OR5D18: variants seen among roughly 807,000 people sequenced by gnomAD.
OR5D18 encodes the protein olfactory receptor family 5 subfamily D member 18, also known as olfactory receptor 5D18.
For synonymous variants in OR5D18, 158 were observed against 152.5 expected, an observed-to-expected ratio of 1.04 and a Z score of -0.27; for missense variants, 394 against 367.3, an observed-to-expected ratio of 1.07 and a Z score of -0.59.
chr11:55,820,317 C>G lies in OR5D18; in HGVS notation c.688C>G (p.Arg230Gly), dbSNP rs143615376. 8 of 1,613,884 alleles carry G rather than the reference C, an allele frequency of 5.0e-6. No homozygotes were observed. In the South Asian group the frequency reaches 6.6e-5, roughly 13 times the overall value. The change falls in exon 1 of 1, where the codon CGT becomes GGT. Residue 230 changes from arginine to glycine, a missense_variant. Physicochemically the swap from Arg to Gly is moderately radical, Grantham distance 125. Coordinates refer to ENST00000333976, the MANE Select transcript of OR5D18 (RefSeq NM_001001952.1). ...AFIVVTILKM[R>G]SVSGRRKAFS... The stretch of plus-strand genomic sequence containing the variant: ...CATTGTTGTAACCATCCTCAAGATG[C>G]GTTCAGTCAGTGGGCGCCGCAAAGC...
Position 55,819,661 on chromosome 11 carries a change from C to T in OR5D18, c.32C>T (p.Thr11Ile), listed in dbSNP as rs748531595. The change falls in exon 1 of 1, where the codon ACC becomes ATC. Residue 11 changes from threonine to isoleucine, a missense_variant. Coordinates refer to ENST00000333976, the MANE Select transcript of OR5D18 (RefSeq NM_001001952.1). MLLTDRNTSG[T>I]TFTLLGFSDY... ...CTGACTGATAGAAATACAAGTGGGA[C>T]CACGTTCACCCTCTTGGGCTTCTCA... The T allele has an allele frequency of 3.7e-6, 6 of 1,604,866 alleles. No individual in the cohort carries two copies. Among genetic ancestry groups the T allele is most frequent in the South Asian group, 2.2e-5 (2 of 90,240 alleles).
Position 55,819,809 on chromosome 11 carries a change from G to A in OR5D18, c.180G>A (p.Met60Ile). ...IKINPKLHTP[M>I]YFFLSQLSFV... ...TCAACCCCAAACTGCATACCCCCAT[G>A]TACTTTTTCCTCAGCCAACTCTCCT... Residue 60 changes from methionine (M) to isoleucine (I), a missense_variant, in exon 1 of 1, where the codon ATG becomes ATA. Coordinates refer to ENST00000333976, the MANE Select transcript of OR5D18 (RefSeq NM_001001952.1). 1 of 1,613,878 alleles carries A rather than the reference G, an allele frequency of 6.2e-7. No individual in the cohort carries two copies. The highest frequency in any genetic ancestry group is 8.5e-7 in the Non-Finnish European group (1 of 1,179,952).
chr11:55,819,638 G>A lies in OR5D18; in HGVS notation c.9G>A (p.Leu3=). Residue 3 remains leucine, a synonymous_variant, in exon 1 of 1, where the codon CTG becomes CTA. Transcript: ENST00000333976. ...TCGAAGAAACAGAAGCGATGCTGCT[G>A]ACTGATAGAAATACAAGTGGGACCA... ML[L]TDRNTSGTTF... 1 of 1,578,692 alleles carries A rather than the reference G, an allele frequency of 6.3e-7. No homozygotes were observed. The highest frequency in any genetic ancestry group is 8.6e-7 in the Non-Finnish European group (1 of 1,160,290).
chr11:55,819,678 G>A lies in OR5D18; in HGVS notation c.49G>A (p.Gly17Ser). 1 of 1,613,178 alleles carries A rather than the reference G, an allele frequency of 6.2e-7. No homozygotes were observed. The highest frequency in any genetic ancestry group is 8.5e-7 in the Non-Finnish European group (1 of 1,179,618). The change falls in exon 1 of 1, where the codon GGC becomes AGC. Residue 17 changes from glycine to serine, a missense_variant. Gly to Ser is a moderately conservative substitution (Grantham distance 56, BLOSUM62 0). Transcript: ENST00000333976. ...AAGTGGGACCACGTTCACCCTCTTG[G>A]GCTTCTCAGATTACCCAGAACTGCA... ...NTSGTTFTLL[G>S]FSDYPELQVP...
Position 55,820,151 on chromosome 11 carries a change from A to G in OR5D18, c.522A>G (p.Thr174=). The G allele has an allele frequency of 6.2e-7, 1 of 1,613,906 alleles. No individual in the cohort carries two copies. Among genetic ancestry groups the G allele is most frequent in the Non-Finnish European group, 8.5e-7 (1 of 1,179,996 alleles). Residue 174 remains threonine (T), a synonymous_variant, in exon 1 of 1, where the codon ACA becomes ACG. Transcript: ENST00000333976. ...AGTTATGTTTTCATGGTTTCAACAC[A>G]ATCAATCACTTCTTCTGTGAGTTCT... is the stretch of plus-strand genomic sequence containing the variant. ...ALKLCFHGFN[T]INHFFCEFSS...
In OR5D18 at chr11:55,820,440, ACAGT is replaced by A. The variant is rs777647277; in HGVS notation, c.814_817del (p.Val272LysfsTer10). The A allele has an allele frequency of 2.4e-5, 38 of 1,613,892 alleles. No individual in the cohort carries two copies. The highest frequency in any genetic ancestry group is 2.1e-4 in the South Asian group (19 of 91,062). On this transcript the variant is annotated frameshift_variant, in exon 1 of 1. Transcript: ENST00000333976. LOFTEE classifies it low-confidence loss of function (END_TRUNC). ...GCCCAACTCCAAAAACTCCAGGCAC[ACAGT>A]CAAAGTGGCCTCTGTGTTTTACACC...
chr11:55,820,186 T>A lies in OR5D18; in HGVS notation c.557T>A (p.Leu186His). ...NHFFCEFSSLLSLSCSDTYIN... is the reference protein window; with the variant it reads ...NHFFCEFSSLHSLSCSDTYIN... Reference sequence around the variant, plus strand: ...TTCTTCTGTGAGTTCTCCTCACTACTCTCCCTTTCTTGCTCTGATACTTAC... The same window carrying A: ...TTCTTCTGTGAGTTCTCCTCACTACACTCCCTTTCTTGCTCTGATACTTAC... The change falls in exon 1 of 1, where the codon CTC becomes CAC. Residue 186 changes from leucine to histidine, a missense_variant. Coordinates refer to ENST00000333976, the MANE Select transcript of OR5D18 (RefSeq NM_001001952.1). The A allele has an allele frequency of 6.2e-7, 1 of 1,614,020 alleles. No homozygotes were observed.
Position 55,820,016 on chromosome 11 carries a change from C to T in OR5D18, c.387C>T (p.Asn129=). Residue 129 remains asparagine (N), a synonymous_variant, in exon 1 of 1, where the codon AAC becomes AAT. Transcript: ENST00000333976. ...MAYDRFVAIC[N]PLLYTVNMSQ... is the part of the protein sequence containing the mutation. ...ATGACCGCTTCGTGGCCATTTGCAA[C>T]CCTCTGCTCTACACAGTTAACATGT... The T allele has an allele frequency of 2.5e-6, 4 of 1,613,904 alleles. No individual in the cohort carries two copies. Among genetic ancestry groups the T allele is most frequent in the Non-Finnish European group, 3.4e-6 (4 of 1,180,014 alleles).
At position 55,820,294 on chromosome 11, in the gene OR5D18, T is replaced by A; in HGVS notation, c.665T>A (p.Ile222Asn). 6.2e-7 allele frequency: 1 copy of A among 1,614,008 alleles called. No homozygotes were observed. The highest frequency in any genetic ancestry group is 8.5e-7 in the Non-Finnish European group (1 of 1,180,026). The part of the protein sequence containing the change: ...LLIVLTSYAF[I>N]VVTILKMRSV... ...ATCGTTCTCACATCTTATGCGTTCATTGTTGTAACCATCCTCAAGATGCGT... is the reference window on the plus strand; with the variant it reads ...ATCGTTCTCACATCTTATGCGTTCAATGTTGTAACCATCCTCAAGATGCGT... Residue 222 changes from isoleucine (I) to asparagine (N), a missense_variant, in exon 1 of 1, where the codon ATT (isoleucine) becomes AAT (asparagine). Transcript: ENST00000333976.
Position 55,820,542 on chromosome 11 carries a change from A to C in OR5D18, c.913A>C (p.Ile305Leu). The change falls in exon 1 of 1, where the codon ATA becomes CTA. Residue 305 changes from isoleucine (I) to leucine (L), a missense_variant. Ile to Leu is a conservative substitution (Grantham distance 5). Transcript: ENST00000333976. ...NKDVKDTVTEILDTKVFSY is the reference protein window; with the variant it reads ...NKDVKDTVTELLDTKVFSY ...AGATGTCAAGGATACAGTCACCGAG[A>C]TACTGGACACCAAAGTCTTCTCTTA... The C allele has an allele frequency of 1.2e-6, 2 of 1,610,046 alleles. No individual in the cohort carries two copies. The highest frequency in any genetic ancestry group is 1.7e-6 in the Non-Finnish European group (2 of 1,179,504).
chr11:55,819,654 A>G lies in OR5D18; in HGVS notation c.25A>G (p.Ser9Gly). MLLTDRNT[S>G]GTTFTLLGFS... is the part of the protein sequence containing the mutation. ...GATGCTGCTGACTGATAGAAATACA[A>G]GTGGGACCACGTTCACCCTCTTGGG... The change falls in exon 1 of 1, where the codon AGT becomes GGT. Residue 9 changes from serine (S) to glycine (G), a missense_variant. Ser to Gly is a moderately conservative substitution (Grantham distance 56, BLOSUM62 0). Coordinates refer to ENST00000333976, the MANE Select transcript of OR5D18 (RefSeq NM_001001952.1). 3 of 1,600,042 alleles carry G rather than the reference A, an allele frequency of 1.9e-6. No homozygotes were observed. Among genetic ancestry groups the G allele is most frequent in the Non-Finnish European group, 2.6e-6 (3 of 1,172,414 alleles).
chr11:55,820,164 T>C lies in OR5D18; in HGVS notation c.535T>C (p.Phe179Leu). 6.2e-7 allele frequency: 1 copy of C among 1,614,008 alleles called. No individual in the cohort carries two copies. The highest frequency in any genetic ancestry group is 8.5e-7 in the Non-Finnish European group (1 of 1,180,004). ...TGGTTTCAACACAATCAATCACTTC[T>C]TCTGTGAGTTCTCCTCACTACTCTC... ...FHGFNTINHF[F>L]CEFSSLLSLS... The change falls in exon 1 of 1, where the codon TTC becomes CTC. Residue 179 changes from phenylalanine (F) to leucine (L), a missense_variant. Phe to Leu is a conservative substitution (Grantham distance 22, BLOSUM62 0). Coordinates refer to ENST00000333976, the MANE Select transcript of OR5D18 (RefSeq NM_001001952.1).
chr11:55,820,239 G>T lies in OR5D18; in HGVS notation c.610G>T (p.Ala204Ser), dbSNP rs1590599082. ...YINQWLLFFLATFNEISTLLI... is the reference protein window; with the variant it reads ...YINQWLLFFLSTFNEISTLLI... ...CAACCAGTGGCTGCTATTCTTTCTT[G>T]CCACCTTTAATGAAATCAGCACACT... The change falls in exon 1 of 1, where the codon GCC (alanine) becomes TCC (serine). Residue 204 changes from alanine to serine, a missense_variant. Ala to Ser is a moderately conservative substitution (Grantham distance 99). Coordinates refer to ENST00000333976, the MANE Select transcript of OR5D18 (RefSeq NM_001001952.1). 6.2e-7 allele frequency: 1 copy of T among 1,613,728 alleles called. No individual in the cohort carries two copies. The highest frequency in any genetic ancestry group is 1.3e-5 in the African/African-American group (1 of 74,832).
rs766348974 is a variant in OR5D18, at chr11:55,819,936, T to A, written c.307T>A (p.Phe103Ile). The change falls in exon 1 of 1, where the codon TTT becomes ATT. Residue 103 changes from phenylalanine to isoleucine, a missense_variant. Physicochemically the swap from Phe to Ile is conservative, Grantham distance 21. Transcript: ENST00000333976. Reference protein sequence around the residue: ...ISFLGCVVQFFFFCTFVVTES... With the variant: ...ISFLGCVVQFIFFCTFVVTES... ...ATTTTTAGGATGCGTAGTACAATTC[T>A]TTTTCTTCTGTACCTTTGTGGTCAC... 2.5e-6 allele frequency: 4 copies of A among 1,613,920 alleles called. No individual in the cohort carries two copies. Among genetic ancestry groups the A allele is most frequent in the East Asian group, 2.2e-5 (1 of 44,898 alleles).
chr11:55,819,859 T>C lies in OR5D18; in HGVS notation c.230T>C (p.Ile77Thr), dbSNP rs1453653700. 1.9e-6 allele frequency: 3 copies of C among 1,613,830 alleles called. No homozygotes were observed. Among genetic ancestry groups the C allele is most frequent in the Non-Finnish European group, 2.5e-6 (3 of 1,179,892 alleles). The change falls in exon 1 of 1, where the codon ATC becomes ACC. Residue 77 changes from isoleucine (I) to threonine (T), a missense_variant. By Grantham distance (89) the Ile-to-Thr change is moderately conservative (BLOSUM62 -1). Coordinates refer to ENST00000333976, the MANE Select transcript of OR5D18 (RefSeq NM_001001952.1). ...TTTGTGGATTTCTGCTATTCCTCCA[T>C]CATTGCTCCCAAGATGTTGGTGAAC... ...LSFVDFCYSS[I>T]IAPKMLVNLV...
chr11:55,819,759 A>G lies in OR5D18; in HGVS notation c.130A>G (p.Ile44Val), dbSNP rs1853805590. ...CTACAATGTCACTGTGCTAGGGAAT[A>G]TTGGGTTGATTGTGATCATCAAAAT... Reference protein sequence around the residue: ...AIYNVTVLGNIGLIVIIKINP... With the variant: ...AIYNVTVLGNVGLIVIIKINP... The change falls in exon 1 of 1, where the codon ATT (isoleucine) becomes GTT (valine). Residue 44 changes from isoleucine to valine, a missense_variant. Physicochemically the swap from Ile to Val is conservative, Grantham distance 29 (BLOSUM62 3). Transcript: ENST00000333976. The G allele has an allele frequency of 1.2e-6, 2 of 1,613,792 alleles. No homozygotes were observed. Among genetic ancestry groups the G allele is most frequent in the African/African-American group, 1.3e-5 (1 of 74,838 alleles).
chr11:55,820,105 A>C lies in OR5D18; in HGVS notation c.476A>C (p.Glu159Ala). 6.2e-7 allele frequency: 1 copy of C among 1,613,742 alleles called. No homozygotes were observed. ...GCCTGGGGAGTCTCATGTTCCTTGG[A>C]ACTGACGTGCTCTGCTTTAAAGTTA... is the stretch of plus-strand genomic sequence containing the variant. ...SYAWGVSCSL[E>A]LTCSALKLCF... Residue 159 changes from glutamate (E) to alanine (A), a missense_variant, in exon 1 of 1, where the codon GAA (glutamate) becomes GCA (alanine). Physicochemically the swap from Glu to Ala is moderately radical, Grantham distance 107. Transcript: ENST00000333976.
Position 55,820,080 on chromosome 11 carries a change from G to T in OR5D18, c.451G>T (p.Ala151Ser). 6.2e-7 allele frequency: 1 copy of T among 1,613,922 alleles called. No individual in the cohort carries two copies. Among genetic ancestry groups the T allele is most frequent in the Non-Finnish European group, 8.5e-7 (1 of 1,180,014 alleles). The change falls in exon 1 of 1, where the codon GCC becomes TCC. Residue 151 changes from alanine to serine, a missense_variant. Physicochemically the swap from Ala to Ser is moderately conservative, Grantham distance 99 (BLOSUM62 1). Transcript: ENST00000333976. ...LCVLLVVGSY[A>S]WGVSCSLELT... Reference sequence around the variant, plus strand: ...CGTGCTGCTGGTTGTGGGATCCTATGCCTGGGGAGTCTCATGTTCCTTGGA... The same window carrying T: ...CGTGCTGCTGGTTGTGGGATCCTATTCCTGGGGAGTCTCATGTTCCTTGGA...
chr11:55,820,174 TCTC>T lies in OR5D18; in HGVS notation c.549_551del (p.Ser184del). The T allele has an allele frequency of 1.2e-6, 2 of 1,613,960 alleles. No individual in the cohort carries two copies. The highest frequency in any genetic ancestry group is 1.1e-5 in the South Asian group (1 of 91,080). ...ACAATCAATCACTTCTTCTGTGAGT[TCTC>T]CTCACTACTCTCCCTTTCTTGCTCT... On this transcript the variant is annotated inframe_deletion, in exon 1 of 1. Transcript: ENST00000333976.
Sources: gnomAD v4.1 joint callset for allele counts on GRCh38, gnomAD v4.1.1 for gene constraint, MANE v1.5 for transcripts, NCBI Gene and HGNC (gene_info 2026-07-23, HGNC 2026-07-21) for gene names.